Variants in COL22A1 observed in about 807,000 individuals in gnomAD.
COL22A1 encodes the protein collagen alpha-1(XXII) chain.
A neutral mutation model predicts 248.9 loss-of-function variants in COL22A1; 221 were observed. That is an observed-to-expected ratio of 0.89 (90% CI 0.80 to 0.99). The LOEUF (loss-of-function observed/expected upper bound fraction) is 0.99. Among genes scored for constraint, COL22A1 ranks in the 50% least tolerant of loss-of-function variants. The pLI, the probability that COL22A1 is intolerant of heterozygous loss-of-function variation, is 0.00. For synonymous variants in COL22A1, 891 were observed against 793.4 expected, an observed-to-expected ratio of 1.12 and a Z score of -2.07; for missense variants, 2,240 against 2,179.0, an observed-to-expected ratio of 1.03 and a Z score of -0.56.
chr8:138,662,919 G>A (rs115093070), intron 42 of COL22A1, among the ~76,000 whole-genome samples: 5,787 of 152,050 alleles, frequency 0.038, 323 homozygotes, highest in African/African-American at 0.13. Context: ...GGGAGGGCGA[G>A]GCAGGAGGAT....
At chr8:138,806,165 T>A (rs796348985) in intron 10 of COL22A1, among the ~76,000 whole-genome samples, 7 of 6,770 alleles carry the variant, frequency 1.0e-3, no homozygotes, top group African/African-American at 3.4e-3. Flanking sequence ...TGTGTGTGTG[T>A]GATGGTGTAA....
chr8:138,698,189 G>A (rs1283062747), intron 32 of COL22A1, among the ~76,000 whole-genome samples: 3 of 152,336 alleles, frequency 2.0e-5, no homozygotes, highest in Admixed American at 2.0e-4. Context: ...GCAATACATG[G>A]AGGTGGTCCA....
chr8:138,727,473 TA>T (rs1830401410), intron 23 of COL22A1, among the ~76,000 whole-genome samples: 1 of 152,164 alleles, frequency 6.6e-6, no homozygotes, highest in Non-Finnish European at 1.5e-5. Flanking sequence ...AGGCGCTCAG[TA>T]AATGCTTGAG....
At chr8:138,797,196 A>C (rs1816621527) in intron 11 of COL22A1, among the ~76,000 whole-genome samples, 1 of 152,172 alleles carries the variant, frequency 6.6e-6, no homozygotes, top group Non-Finnish European at 1.5e-5. Context: ...CCCCACAAAC[A>C]ATTTTAGAAT....
intron 2 of COL22A1, among the ~76,000 whole-genome samples, chr8:138,880,916 C>T (rs1824150809): frequency 6.6e-6 from 1 of 152,160 alleles, no homozygotes; most frequent in Non-Finnish European, 1.5e-5. Flanking sequence ...CCCAAGGGGC[C>T]CTTTTGAGCT....
At chr8:138,890,007 G>T (rs1389625062) in intron 1 of COL22A1, among the ~76,000 whole-genome samples, 1 of 151,972 alleles carries the variant, frequency 6.6e-6, no homozygotes, top group African/African-American at 2.4e-5. Context: ...AATCAAATTC[G>T]GGCAGCATAG....
At chr8:138,757,345 G>A (rs1016993109) in intron 18 of COL22A1, among the ~76,000 whole-genome samples, 3 of 152,038 alleles carry the variant, frequency 2.0e-5, no homozygotes, top group South Asian at 2.1e-4. Context: ...GAGAGAGAAC[G>A]GCTGAATAAT....
rs1056335421 is a variant in COL22A1 at position 138,878,329 on chromosome 8, G to C, written c.92-13C>G. Reference sequence around the variant, plus strand: ...ACACTTTTGCAACCTGCAGGGGTGAGAGAAGGGGTGGCGTAGGGCAAATGG... The same window carrying C: ...ACACTTTTGCAACCTGCAGGGGTGACAGAAGGGGTGGCGTAGGGCAAATGG... On this transcript the variant is annotated splice_polypyrimidine_tract_variant and intron_variant, in intron 2 of 64. Coordinates refer to ENST00000303045, the MANE Select transcript of COL22A1 (RefSeq NM_152888.3). 4 of 1,512,726 alleles carry C rather than the reference G, an allele frequency of 2.6e-6. No individual in the cohort carries two copies. The highest frequency in any genetic ancestry group is 1.4e-5 in the African/African-American group (1 of 72,606). The allele number at this position is 1,512,726 out of a possible 1,614,324, so 93.7% of individuals were successfully genotyped here. A position where few individuals can be genotyped will look rare whatever the true frequency, so the allele number is the denominator to read the frequency against.
chr8:138,671,055 T>C, intron 41 of COL22A1, among the ~76,000 whole-genome samples: 1 of 146,944 alleles, frequency 6.8e-6, no homozygotes, highest in East Asian at 2.1e-4. Context: ...CTGAGCAACA[T>C]GGGCTTGAAC....
intron 50 of COL22A1, 59 bp downstream of exon 50, chr8:138,630,636 G>A: frequency 6.8e-7 from 1 of 1,480,746 alleles, no homozygotes; most frequent in Non-Finnish European, 9.4e-7. Flanking sequence ...GCAAACACCT[G>A]GGGTTCCAGA....
intron 1 of COL22A1, among the ~76,000 whole-genome samples, chr8:138,911,732 G>A (rs562067989): frequency 1.3e-5 from 2 of 152,294 alleles, no homozygotes; most frequent in African/African-American, 4.8e-5. Context: ...CCGTTTAGGG[G>A]CCATTTACTT....
chr8:138,649,895 C>T, intron 45 of COL22A1, 117 bp from the exon 46 acceptor site: 4 of 611,898 alleles, frequency 6.5e-6, no homozygotes, highest in Non-Finnish European at 8.2e-6. Context: ...TTTTTAAATT[C>T]CAGAGAAGAT....
intron 30 of COL22A1, among the ~76,000 whole-genome samples, chr8:138,713,077 G>C (rs903152414): frequency 2.6e-5 from 4 of 152,208 alleles, no homozygotes; most frequent in Admixed American, 2.6e-4. Flanking sequence ...GAGCCCAACT[G>C]TCTGGACTCA....
chr8:138,893,707 T>C (rs117452698), intron 1 of COL22A1, among the ~76,000 whole-genome samples: 1,563 of 152,362 alleles, frequency 0.01, 6 homozygotes, highest in Non-Finnish European at 0.017. Flanking sequence ...GTTGACTGCA[T>C]AGGGGTAATG....
chr8:138,873,903 A>T (rs756312944), intron 3 of COL22A1, among the ~76,000 whole-genome samples: 4 of 152,208 alleles, frequency 2.6e-5, no homozygotes, highest in Non-Finnish European at 5.9e-5. Context: ...CTACATCAAA[A>T]AAAACCCTGA....
intron 39 of COL22A1, 88 bp from the exon 40 acceptor site, chr8:138,679,764 G>C (rs1825821606): frequency 8.7e-7 from 1 of 1,155,162 alleles, no homozygotes; most frequent in African/African-American, 1.5e-5. Context: ...TTAGGTACTG[G>C]ATCTATGCAT....
At chr8:138,722,981 A>G (rs1407065179) in intron 25 of COL22A1, among the ~76,000 whole-genome samples, 2 of 151,354 alleles carry the variant, frequency 1.3e-5, no homozygotes, top group Non-Finnish European at 2.9e-5. Flanking sequence ...GGGTTGATCT[A>G]TGCAGCAAAC....
intron 16 of COL22A1, among the ~76,000 whole-genome samples, chr8:138,770,390 C>T (rs927158481): frequency 6.6e-6 from 1 of 152,252 alleles, no homozygotes; most frequent in African/African-American, 2.4e-5. Flanking sequence ...CCTGGACCTC[C>T]TCATGCCTCC....
intron 40 of COL22A1, 73 bp downstream of exon 40, chr8:138,679,544 G>T: frequency 7.9e-7 from 1 of 1,267,502 alleles, no homozygotes. Context: ...CCATTATTTT[G>T]TTGTTATAAA....
Sources: allele counts gnomAD v4.1 joint callset (sites outside exome capture counted in the v4.1 genomes callset), GRCh38; gene constraint gnomAD v4.1.1; transcripts MANE v1.5; gene names NCBI Gene and HGNC (gene_info 2026-07-23, HGNC 2026-07-21).